COL23A1: variants seen among roughly 807,000 people sequenced by gnomAD.
COL23A1 encodes collagen type XXIII alpha 1 chain.
Under a neutral mutation model 99.3 loss-of-function variants are expected in COL23A1, and 97 were observed. The ratio of observed to expected loss-of-function variants is 0.98; its 90% confidence interval spans 0.83 to 1.16. COL23A1 has a LOEUF of 1.16. Among genes scored for constraint, COL23A1 ranks in the 50% most tolerant of loss-of-function variants. COL23A1 has a pLI of 0.00. For synonymous variants in COL23A1, 320 were observed against 308.2 expected (o/e 1.04, Z -0.40); for missense variants, 762 against 757.4 (o/e 1.01, Z -0.07).
intron 3 of COL23A1, among the ~76,000 whole-genome samples, chr5:178,294,334 A>G (rs1304314539): frequency 2.0e-5 from 1 of 50,896 alleles, no homozygotes; most frequent in Admixed American, 1.8e-4. Flanking sequence ...ATCACTACCG[A>G]GCTCCCTCCC....
At chr5:178,420,247 TC>T (rs1163945615) in intron 2 of COL23A1, among the ~76,000 whole-genome samples, 1 of 152,006 alleles carries the variant, frequency 6.6e-6, no homozygotes. Context: ...TAGATGCACT[TC>T]CGTGGGGCTG....
rs966054965 is a variant in COL23A1, at chr5:178,345,103, C to T, written c.362-38184G>A. On this transcript the variant is annotated intron_variant, in intron 2 of 28. Coordinates refer to ENST00000390654, the MANE Select transcript of COL23A1 (RefSeq NM_173465.4). The stretch of plus-strand genomic sequence containing the variant: ...GTTCATCTCTTCCTGGTAATTGGCA[C>T]GACATCTCCCAGGAAGATGGTCATC... 120 of 593,044 alleles carry T rather than the reference C, an allele frequency of 2.0e-4. 1 individual carries two copies. The East Asian group carries it at 4.4e-3, about 22-fold the overall frequency. The allele number at this position is 593,044 out of a possible 1,614,324, so 36.7% of individuals were successfully genotyped here.
At chr5:178,483,920 G>A (rs1039248460) in intron 2 of COL23A1, among the ~76,000 whole-genome samples, 1 of 152,196 alleles carries the variant, frequency 6.6e-6, no homozygotes, top group African/African-American at 2.4e-5. Flanking sequence ...ACTGGGTACC[G>A]GCTCTGTGCT....
rs548130182 is a variant in COL23A1, at chr5:178,277,042, G to C, written c.442-6679C>G. ...GGCTGGAATTGGGCAATGTCTTTCT[G>C]GGAGCCAGGTTTTATTTGATCCGTG... On this transcript the variant is annotated intron_variant, in intron 5 of 28. Coordinates refer to ENST00000390654, the MANE Select transcript of COL23A1 (RefSeq NM_173465.4). Among the ~76,000 whole-genome samples, 8 of 152,276 alleles carry C rather than the reference G, an allele frequency of 5.3e-5. No homozygotes were observed. The East Asian group carries it at 1.5e-3, about 29-fold the overall frequency.
chr5:178,347,733 T>C (rs1231981799), intron 2 of COL23A1, among the ~76,000 whole-genome samples: 1 of 151,566 alleles, frequency 6.6e-6, no homozygotes, highest in Non-Finnish European at 1.5e-5. Flanking sequence ...GTACAAAAAT[T>C]AGCTGGGCGC....
Position 178,415,126 on chromosome 5 carries a change from C to T in COL23A1, c.362-108207G>A, listed in dbSNP as rs570821649. Among the ~76,000 whole-genome samples, 5 of 136,126 alleles carry T rather than the reference C, an allele frequency of 3.7e-5. No homozygotes were observed. The South Asian group carries it at 9.6e-4, about 26-fold the overall frequency. The allele number at this position is 136,126 out of a possible 152,430, so 89.3% of individuals were successfully genotyped here. On this transcript the variant is annotated intron_variant, in intron 2 of 28. Transcript: ENST00000390654. The surrounding 1 kb of genome is among the most constrained non-coding windows in gnomAD (Gnocchi z 4.6). ...ATATGTGAGTGCTGGTTCTCTCTGC[C>T]CCAGTGAGCTGGGCTGCTTGGATTC...
intron 2 of COL23A1, among the ~76,000 whole-genome samples, chr5:178,442,549 C>T (rs894622518): frequency 7.2e-5 from 11 of 152,162 alleles, no homozygotes; most frequent in African/African-American, 2.4e-4. Context: ...GTCTGCCATT[C>T]GGGGAGCACC....
At chr5:178,382,983 G>A (rs1034992198) in intron 2 of COL23A1, among the ~76,000 whole-genome samples, 6 of 152,158 alleles carry the variant, frequency 3.9e-5, no homozygotes, top group Non-Finnish European at 7.4e-5. Flanking sequence ...CTGGGGAGGT[G>A]AGAGACTCCA....
At chr5:178,443,639 G>A (rs1303751987) in intron 2 of COL23A1, among the ~76,000 whole-genome samples, 7 of 138,790 alleles carry the variant, frequency 5.0e-5, no homozygotes, top group Middle Eastern at 3.8e-3. Flanking sequence ...TTTTTTTTTC[G>A]TACAGACGGG....
intron 2 of COL23A1, among the ~76,000 whole-genome samples, chr5:178,509,558 G>A (rs1211339472): frequency 1.3e-5 from 2 of 152,102 alleles, no homozygotes; most frequent in African/African-American, 4.8e-5. Flanking sequence ...CTGAGATCTG[G>A]CACATTGAAA....
chr5:178,252,928 G>A (rs953087903), intron 16 of COL23A1, among the ~76,000 whole-genome samples: 1 of 152,146 alleles, frequency 6.6e-6, no homozygotes, highest in African/African-American at 2.4e-5. Context: ...GCCTCTCAAA[G>A]CAAGCTTAAA....
At position 178,366,033 on chromosome 5, in the gene COL23A1, C is replaced by A. The variant is rs1246295838; in HGVS notation, c.362-59114G>T. On this transcript the variant is annotated intron_variant, in intron 2 of 28. Transcript: ENST00000390654. This position sits in a 1 kb window ranked among gnomAD's most constrained non-coding sequence, Gnocchi z 4.4. ...CTGTGAGTTCACCTCTTCATCTGAGCTCGCTTCAGATGACGCCCCCAGTGC... is the reference window on the plus strand; with the variant it reads ...CTGTGAGTTCACCTCTTCATCTGAGATCGCTTCAGATGACGCCCCCAGTGC... Among the ~76,000 whole-genome samples, 3 of 152,206 alleles carry A rather than the reference C, an allele frequency of 2.0e-5. No individual in the cohort carries two copies. The highest frequency in any genetic ancestry group is 4.4e-5 in the Non-Finnish European group (3 of 68,038).
intron 2 of COL23A1, among the ~76,000 whole-genome samples, chr5:178,417,335 C>T (rs1047970308): frequency 7.9e-5 from 12 of 152,216 alleles, no homozygotes; most frequent in Non-Finnish European, 1.5e-5. Context: ...AGAGGCTTGA[C>T]CCTGCTGATT....
intron 2 of COL23A1, among the ~76,000 whole-genome samples, chr5:178,471,724 C>T (rs186169683): frequency 1.4e-3 from 208 of 152,230 alleles, no homozygotes; most frequent in African/African-American, 4.9e-3. Context: ...ACTCTCACAC[C>T]CCTGCCCTCA....
intron 2 of COL23A1, among the ~76,000 whole-genome samples, chr5:178,358,852 A>G (rs2127698993): frequency 6.6e-6 from 1 of 152,264 alleles, no homozygotes; most frequent in South Asian, 2.1e-4. Context: ...CTGCACCTAT[A>G]TATTAAATGC....
intron 2 of COL23A1, among the ~76,000 whole-genome samples, chr5:178,328,178 G>C (rs11958296): frequency 6.6e-6 from 1 of 152,096 alleles, no homozygotes; most frequent in African/African-American, 2.4e-5. Context: ...CTGCCACGGC[G>C]AATGTCTGGG....
chr5:178,418,137 T>G, intron 2 of COL23A1, among the ~76,000 whole-genome samples: 1 of 152,250 alleles, frequency 6.6e-6, no homozygotes, highest in Admixed American at 6.5e-5. Context: ...CTTGGATAAG[T>G]TACCTAACTT....
At chr5:178,495,135 A>G (rs1758131690) in intron 2 of COL23A1, among the ~76,000 whole-genome samples, 1 of 152,192 alleles carries the variant, frequency 6.6e-6, no homozygotes, top group Non-Finnish European at 1.5e-5. Context: ...GGTAGTTGTT[A>G]GACATCAGCC....
intron 2 of COL23A1, among the ~76,000 whole-genome samples, chr5:178,511,107 T>G (rs868620557): frequency 2.0e-5 from 3 of 152,234 alleles, no homozygotes; most frequent in African/African-American, 7.2e-5. Context: ...CTGGGTTGAA[T>G]TTCCTGTTCT....
Sources: gnomAD v4.1 joint callset for allele counts (sites outside exome capture counted in the v4.1 genomes callset) on GRCh38, gnomAD v4.1.1 for gene constraint, Gnocchi (gnomAD v3.1) non-coding constraint, MANE v1.5 for transcripts, NCBI Gene and HGNC (gene_info 2026-07-23, HGNC 2026-07-21) for gene names.